The following PPRC1 variants were observed in gnomAD, a reference collection of about 807,000 sequenced individuals.
The protein encoded by PPRC1 is peroxisome proliferator-activated receptor gamma coactivator-related protein 1.
A neutral mutation model predicts 132.5 loss-of-function variants in PPRC1; 23 were observed. The observed-to-expected ratio is 0.17, with a 90% confidence interval of 0.12 to 0.25. The LOEUF (loss-of-function observed/expected upper bound fraction) is 0.25. Among genes scored for constraint, PPRC1 ranks in the 10% least tolerant of loss-of-function variants. PPRC1 has a pLI of 1.00. For missense variants in PPRC1, 2,006 were observed against 2,089.1 expected (o/e 0.96, Z 0.78); for synonymous variants, 872 against 833.5 (o/e 1.05, Z -0.80).
At chr10:102,133,623 C>G (rs1375652818) in intron 1 of PPRC1, among the ~76,000 whole-genome samples, 1 of 151,948 alleles carries the variant, frequency 6.6e-6, no homozygotes, top group Non-Finnish European at 1.5e-5. Context: ...CTCCCCTCCC[C>G]CTCTAGGCGG....
Position 102,141,387 on chromosome 10 carries a change from G to T in PPRC1, c.2879G>T (p.Ser960Ile). Residue 960 changes from serine to isoleucine, a missense_variant, in exon 5 of 14, where the codon AGT (serine) becomes ATT (isoleucine). Ser to Ile is a moderately radical substitution (Grantham distance 142). Around this residue, in one of 2 missense-constraint regions of PPRC1, gnomAD observed 1,914 missense variants for 1,917.2 expected, o/e 1.00. Coordinates refer to ENST00000278070, the MANE Select transcript of PPRC1 (RefSeq NM_015062.5). Reference sequence around the variant, plus strand: ...GCCTATGCCGTGCCTCCCACTTGCAGTGTGCCTTGGGCACCCCCTCCTGCC... The same window carrying T: ...GCCTATGCCGTGCCTCCCACTTGCATTGTGCCTTGGGCACCCCCTCCTGCC... ...PGAYAVPPTC[S>I]VPWAPPPAPV... is the part of the protein sequence containing the mutation. 1 of 1,613,996 alleles carries T rather than the reference G, an allele frequency of 6.2e-7. No homozygotes were observed. The highest frequency in any genetic ancestry group is 8.5e-7 in the Non-Finnish European group (1 of 1,180,022).
At chr10:102,145,763 G>T (rs879721263) in intron 8 of PPRC1, among the ~76,000 whole-genome samples, 3 of 152,106 alleles carry the variant, frequency 2.0e-5, no homozygotes. Context: ...TACTTGGGAG[G>T]CTGAGGCAGG....
the PPRC1 span, chr10:102,120,394 T>C: frequency 2.0e-6 from 2 of 983,476 alleles, no homozygotes; most frequent in Non-Finnish European, 2.4e-6. Flanking sequence ...TGTGCGCGTG[T>C]GCGTGTGCGT....
chr10:102,144,532 G>A, intron 7 of PPRC1: 1 of 578,690 alleles, frequency 1.7e-6, no homozygotes, highest in Middle Eastern at 4.6e-4. Flanking sequence ...TTCCAGTCGG[G>A]CTCCAAATGT....
chr10:102,136,514 G>A (rs1324931614), intron 1 of PPRC1, among the ~76,000 whole-genome samples: 1 of 152,102 alleles, frequency 6.6e-6, no homozygotes, highest in African/African-American at 2.4e-5. Context: ...GTCAACTGGG[G>A]TCTAAAAATA....
rs760055000 is a variant in PPRC1 at position 102,139,400 on chromosome 10, G to A, written c.892G>A (p.Gly298Ser). Residue 298 changes from glycine to serine, a missense_variant, in exon 5 of 14, where the codon GGT becomes AGT. Transcript: ENST00000278070. ...TAAEMAVPAA[G>S]DESISSLSEL... ...AGCAGAGATGGCAGTGCCAGCAGCT[G>A]GTGATGAGAGCATCTCCTCCCTGAG... is the stretch of plus-strand genomic sequence containing the variant. The A allele has an allele frequency of 1.1e-5, 17 of 1,614,108 alleles. No individual in the cohort carries two copies. Among genetic ancestry groups the A allele is most frequent in the Admixed American group, 1.7e-5 (1 of 60,010 alleles).
At chr10:102,123,357 A>G in the PPRC1 span, among the ~76,000 whole-genome samples, 6 of 151,192 alleles carry the variant, frequency 4.0e-5, no homozygotes, top group Admixed American at 4.0e-4. Flanking sequence ...CACCTGGCAG[A>G]CAGAAGGGAT....
chr10:102,132,851 A>G (rs2068570337), upstream of PPRC1: 2 of 536,706 alleles, frequency 3.7e-6, no homozygotes, highest in Non-Finnish European at 5.6e-6. Flanking sequence ...GGATGCCTGC[A>G]GCTAGTGCCA....
At chr10:102,131,745 C>G (rs2133570623), upstream of PPRC1, among the ~76,000 whole-genome samples, 1 of 152,318 alleles carries the variant, frequency 6.6e-6, no homozygotes, top group East Asian at 1.9e-4. Context: ...ACAACCTCCA[C>G]CTCCTGGGTT....
At chr10:102,143,143 T>A (rs1452678041) in intron 6 of PPRC1, 45 bp downstream of exon 6, 2 of 1,572,792 alleles carry the variant, frequency 1.3e-6, no homozygotes, top group Non-Finnish European at 1.7e-6. Context: ...TTTTTGGTGA[T>A]ACTTTTTTGG....
Position 102,144,315 on chromosome 10 carries a change from T to C in PPRC1, c.3608+8T>C. On this transcript the variant is annotated splice_region_variant and intron_variant, in intron 7 of 13. Coordinates refer to ENST00000278070, the MANE Select transcript of PPRC1 (RefSeq NM_015062.5). Reference sequence around the variant, plus strand: ...GGCTGTAGGAAACTCAGGGTAAGTATGGAGACATGAGCGAGTTACCCTACA... The same window carrying C: ...GGCTGTAGGAAACTCAGGGTAAGTACGGAGACATGAGCGAGTTACCCTACA... 4 of 1,613,358 alleles carry C rather than the reference T, an allele frequency of 2.5e-6. No homozygotes were observed. The highest frequency in any genetic ancestry group is 3.4e-6 in the Non-Finnish European group (4 of 1,179,674).
chr10:102,136,914 G>A (rs936837845), intron 1 of PPRC1, among the ~76,000 whole-genome samples: 3 of 152,206 alleles, frequency 2.0e-5, no homozygotes, highest in Admixed American at 6.5e-5. Flanking sequence ...TCTTAGAGGA[G>A]TGTGGGGCGG....
At chr10:102,136,663 TATGTATTGTTTGTATCAATACATACCA>T (rs1231259005) in intron 1 of PPRC1, among the ~76,000 whole-genome samples, 3 of 152,328 alleles carry the variant, frequency 2.0e-5, no homozygotes, top group Non-Finnish European at 2.9e-5. Flanking sequence ...TCATCGTTGG[TATGTATTGTTTGTATCAATACATACCA>T]ATGTATTGGT....
Position 102,150,135 on chromosome 10 carries a change from T to G in PPRC1, c.*106T>G. Reference sequence around the variant, plus strand: ...AGAGCTGCTAGTGAGATGACTGTTTTATAAAGAAATGGAAAAAAGTGAAAT... The same window carrying G: ...AGAGCTGCTAGTGAGATGACTGTTTGATAAAGAAATGGAAAAAAGTGAAAT... On this transcript the variant is annotated 3_prime_UTR_variant, in exon 14 of 14. Coordinates refer to ENST00000278070, the MANE Select transcript of PPRC1 (RefSeq NM_015062.5). 2.7e-6 allele frequency: 2 copies of G among 739,988 alleles called. No individual in the cohort carries two copies. The highest frequency in any genetic ancestry group is 2.3e-6 in the Non-Finnish European group (1 of 443,788). 45.8% of individuals were successfully genotyped at this position (739,988 alleles called of 1,614,324 possible).
At chr10:102,133,986 G>A (rs2068625918) in intron 1 of PPRC1, among the ~76,000 whole-genome samples, 1 of 152,052 alleles carries the variant, frequency 6.6e-6, no homozygotes, top group Non-Finnish European at 1.5e-5. Context: ...ATGGCTGAGT[G>A]TGATGGGGAG....
rs147016583 is a variant in PPRC1 at position 102,136,953 on chromosome 10, C to G, written c.154-897C>G. Among the ~76,000 whole-genome samples the G allele has an allele frequency of 5.1e-3, 773 of 152,334 alleles. 3 individuals carry two copies. The highest frequency in any genetic ancestry group is 6.9e-3 in the Admixed American group (105 of 15,288). ...CTTTCCATCTAGGGAATCAAGCTTTCTCTTCACTTGCTCTCATCTGGTAGG... is the reference window on the plus strand; with the variant it reads ...CTTTCCATCTAGGGAATCAAGCTTTGTCTTCACTTGCTCTCATCTGGTAGG... On this transcript the variant is annotated intron_variant, in intron 1 of 13. Transcript: ENST00000278070.
At chr10:102,145,585 T>C (rs1412457705) in intron 8 of PPRC1, among the ~76,000 whole-genome samples, 2 of 135,676 alleles carry the variant, frequency 1.5e-5, no homozygotes, top group Non-Finnish European at 3.1e-5. Flanking sequence ...AAAAAAAATG[T>C]CGGGCGCGGT....
chr10:102,137,712 T>A (rs2068775804), intron 1 of PPRC1, 138 bp from the exon 2 acceptor site: 1 of 756,810 alleles, frequency 1.3e-6, no homozygotes, highest in African/African-American at 1.8e-5. Context: ...TTCTCTCTGC[T>A]CTGCTAGCCC....
Position 102,143,037 on chromosome 10 carries a change from C to G in PPRC1, c.3497-8C>G. ...TCGTTTTCAATCCTGTGTTGTGTGC[C>G]TCCACAGGAATTGAGGCATCGGACC... On this transcript the variant is annotated splice_polypyrimidine_tract_variant and splice_region_variant and intron_variant, in intron 5 of 13. Coordinates refer to ENST00000278070, the MANE Select transcript of PPRC1 (RefSeq NM_015062.5). The G allele has an allele frequency of 4.3e-6, 7 of 1,611,802 alleles. No homozygotes were observed. Among genetic ancestry groups the G allele is most frequent in the Non-Finnish European group, 5.9e-6 (7 of 1,178,216 alleles).
Sources: allele counts gnomAD v4.1 joint callset (sites outside exome capture counted in the v4.1 genomes callset), GRCh38; gene constraint gnomAD v4.1.1; regional missense constraint gnomAD v4.1.1; transcripts MANE v1.5; gene names NCBI Gene and HGNC (gene_info 2026-07-23, HGNC 2026-07-21).